The following ARHGAP30 variants were observed in gnomAD, a reference collection of about 807,000 sequenced individuals.
ARHGAP30 encodes rho GTPase-activating protein 30.
Under a neutral mutation model 72.0 loss-of-function variants are expected in ARHGAP30, and 23 were observed. That is an observed-to-expected ratio of 0.32 (90% confidence interval 0.23 to 0.45). The LOEUF (loss-of-function observed/expected upper bound fraction) is 0.45, where lower values mean the gene tolerates loss of function less well. Ranked by LOEUF, ARHGAP30 falls within the 20% of genes least tolerant of loss-of-function variation. ARHGAP30 has a pLI of 1.00. For missense variants in ARHGAP30, 1,319 were observed against 1,383.4 expected (o/e 0.95, Z 0.74); for synonymous variants, 576 against 528.2 (o/e 1.09, Z -1.24).
In ARHGAP30 at chr1:161,066,418, G is replaced by A. The variant is rs543037675; in HGVS notation, c.97+3110C>T. 2.1e-4 allele frequency among the ~76,000 whole-genome samples: 31 copies of A among 151,096 alleles called. No homozygotes were observed. In the South Asian group the frequency reaches 5.0e-3, roughly 25 times the overall value. On this transcript the variant is annotated intron_variant, in intron 1 of 11. Coordinates refer to ENST00000368013, the MANE Select transcript of ARHGAP30 (RefSeq NM_001025598.2). ...TCCCAGCACTTTGGGAGGCCGAGGC[G>A]AGTGGATCACCTGAGCTCAGGAGTT...
chr1:161,053,106 G>A (rs1312553216), intron 6 of ARHGAP30, 152 bp downstream of exon 6: 3 of 1,183,754 alleles, frequency 2.5e-6, no homozygotes, highest in Non-Finnish European at 3.5e-6. Context: ...CTCAAGTCCT[G>A]ACTGCACAAT....
intron 3 of ARHGAP30, among the ~76,000 whole-genome samples, chr1:161,054,960 C>T (rs1220547313): frequency 5.3e-5 from 8 of 152,090 alleles, no homozygotes; most frequent in Admixed American, 1.3e-4. Flanking sequence ...ATCCTCCATC[C>T]GTAGAGCTCT....
intron 2 of ARHGAP30, among the ~76,000 whole-genome samples, chr1:161,058,753 C>A (rs1652089327): frequency 1.3e-5 from 2 of 149,286 alleles, no homozygotes; most frequent in South Asian, 2.1e-4. Context: ...CCCAGCTACT[C>A]AGGAGGCCGA....
intron 10 of ARHGAP30, 42 bp from the exon 11 acceptor site, chr1:161,049,731 C>G (rs1651206875): frequency 1.9e-6 from 3 of 1,587,256 alleles, no homozygotes; most frequent in Non-Finnish European, 2.6e-6. Context: ...AAGGTCAAGC[C>G]CTGACCCTTT....
At chr1:161,061,056 A>C (rs1286938427) in intron 1 of ARHGAP30, among the ~76,000 whole-genome samples, 1 of 151,910 alleles carries the variant, frequency 6.6e-6, no homozygotes, top group South Asian at 2.1e-4. Flanking sequence ...AGGTGAAGGA[A>C]CATTAGTTGT....
Position 161,048,680 on chromosome 1 carries a change from C to T in ARHGAP30, c.2341G>A (p.Glu781Lys), listed in dbSNP as rs1651079802. The T allele has an allele frequency of 2.5e-6, 4 of 1,614,026 alleles. No homozygotes were observed. The highest frequency in any genetic ancestry group is 1.7e-5 in the Admixed American group (1 of 59,994). Residue 781 changes from glutamate (E) to lysine (K), a missense_variant, in exon 12 of 12, where the codon GAG (glutamate) becomes AAG (lysine). Transcript: ENST00000368013. ...QGAQEDQVAE[E>K]KWEVVQKQEA... ...TGTTTCTGTACAACTTCCCATTTCT[C>T]CTCAGCAACTTGATCTTCCTGGGCC...
rs750531846 is a variant in ARHGAP30, at chr1:161,054,484, C to T, written c.429-11G>A. The T allele has an allele frequency of 6.8e-6, 11 of 1,612,948 alleles. No individual in the cohort carries two copies. The highest frequency in any genetic ancestry group is 2.2e-5 in the South Asian group (2 of 91,016). Reference sequence around the variant, plus strand: ...AGGAACTCCAGGGTCCTGCAGAAAGCGGGGGCAGGGATCACACAGGGAATG... The same window carrying T: ...AGGAACTCCAGGGTCCTGCAGAAAGTGGGGGCAGGGATCACACAGGGAATG... On this transcript the variant is annotated splice_polypyrimidine_tract_variant and intron_variant, in intron 4 of 11. Coordinates refer to ENST00000368013, the MANE Select transcript of ARHGAP30 (RefSeq NM_001025598.2).
intron 1 of ARHGAP30, among the ~76,000 whole-genome samples, chr1:161,064,759 GAGAAAGAA>G (rs1168418861): frequency 1.7e-4 from 20 of 118,396 alleles, no homozygotes; most frequent in African/African-American, 5.5e-4. Context: ...AAGAAAGAAA[GAGAAAGAA>G]AGAAAGAAAG....
At chr1:161,052,861 A>G (rs1203024162) in intron 6 of ARHGAP30, 64 bp from the exon 7 acceptor site, 4 of 1,566,418 alleles carry the variant, frequency 2.6e-6, no homozygotes, top group East Asian at 2.3e-5. Context: ...CAGGCACCCA[A>G]TCCTTCATCA....
intron 2 of ARHGAP30, among the ~76,000 whole-genome samples, chr1:161,058,020 G>A (rs896287153): frequency 5.3e-5 from 8 of 151,816 alleles, no homozygotes; most frequent in African/African-American, 1.2e-4. Context: ...GCATGGTGGC[G>A]CTCGCCTGTA....
At chr1:161,065,915 G>A (rs867246471) in intron 1 of ARHGAP30, among the ~76,000 whole-genome samples, 1 of 124,418 alleles carries the variant, frequency 8.0e-6, no homozygotes, top group Non-Finnish European at 1.7e-5. Flanking sequence ...TTATTTATTT[G>A]AGACAGAGTC....
In ARHGAP30 at chr1:161,052,005, AC is replaced by A. The variant is rs1557920792; in HGVS notation, c.1018+280del. 4.1e-3 allele frequency among the ~76,000 whole-genome samples: 171 copies of A among 41,556 alleles called. 6 individuals carry two copies. In the South Asian group the frequency reaches 0.086, roughly 21 times the overall value. 27.3% of individuals were successfully genotyped at this position (41,556 alleles called of 152,430 possible). A position where few individuals can be genotyped will look rare whatever the true frequency, so the allele number is the denominator to read the frequency against. On this transcript the variant is annotated intron_variant, in intron 9 of 11. Transcript: ENST00000368013. Reference sequence around the variant, plus strand: ...CACCACCACCACCACCACCACCACCACCACCACCACCACCACCACCACCACC... The same window carrying A: ...CACCACCACCACCACCACCACCACCACACCACCACCACCACCACCACCACC...
intron 1 of ARHGAP30, among the ~76,000 whole-genome samples, chr1:161,064,785 AAG>A (rs1357785165): frequency 3.2e-4 from 23 of 71,748 alleles, no homozygotes; most frequent in Middle Eastern, 5.1e-3. Context: ...AAGAAAAAGA[AAG>A]AAAGAAAGAA....
intron 3 of ARHGAP30, among the ~76,000 whole-genome samples, chr1:161,054,961 G>A (rs544889797): frequency 2.6e-5 from 4 of 152,164 alleles, no homozygotes; most frequent in South Asian, 4.1e-4. Flanking sequence ...TCCTCCATCC[G>A]TAGAGCTCTG....
chr1:161,058,102 G>A (rs181861516), intron 2 of ARHGAP30, among the ~76,000 whole-genome samples: 17 of 152,002 alleles, frequency 1.1e-4, no homozygotes, highest in Admixed American at 3.3e-4. Context: ...GGTGAGCCAA[G>A]ATCGCGACAC....
Position 161,049,455 on chromosome 1 carries a change from T to G in ARHGAP30, c.1655A>C (p.Tyr552Ser), listed in dbSNP as rs759778089. Residue 552 changes from tyrosine (Y) to serine (S), a missense_variant, in exon 11 of 12, where the codon TAC (tyrosine) becomes TCC (serine). Tyr to Ser is a moderately radical substitution (Grantham distance 144). Around this residue, in one of 2 missense-constraint regions of ARHGAP30, gnomAD observed 1,097 missense variants for 1,045.2 expected, o/e 1.05. Transcript: ENST00000368013. Reference sequence around the variant, plus strand: ...CCCAACTCCCAGGAGCTCCTCCAGGTAGCCCATCCCAGGGTCGTCCTCCCC... The same window carrying G: ...CCCAACTCCCAGGAGCTCCTCCAGGGAGCCCATCCCAGGGTCGTCCTCCCC... ...SPGEDDPGMG[Y>S]LEELLGVGPQ... 1 of 1,612,984 alleles carries G rather than the reference T, an allele frequency of 6.2e-7. No individual in the cohort carries two copies. Among genetic ancestry groups the G allele is most frequent in the Non-Finnish European group, 8.5e-7 (1 of 1,179,402 alleles).
rs1553217361 is a variant in ARHGAP30 at position 161,053,506 on chromosome 1, C to CTCTT, written c.537-122_537-121insAAGA. 29 of 842,992 alleles carry CTCTT rather than the reference C, an allele frequency of 3.4e-5. No homozygotes were observed. In the African/African-American group the frequency reaches 1.6e-3, roughly 46 times the overall value. 52.2% of individuals were successfully genotyped at this position (842,992 alleles called of 1,614,324 possible). ...TCTCTCTCTCTCTCTCTCTCTCTCT[C>CTCTT]GAATGACCTTAACCCCTTCTCTACC... On this transcript the variant is annotated intron_variant, in intron 5 of 11. Coordinates refer to ENST00000368013, the MANE Select transcript of ARHGAP30 (RefSeq NM_001025598.2).
chr1:161,055,117 C>G (rs1651725976), intron 3 of ARHGAP30, among the ~76,000 whole-genome samples: 1 of 152,128 alleles, frequency 6.6e-6, no homozygotes, highest in Non-Finnish European at 1.5e-5. Context: ...TCTCTCAGTG[C>G]TCTTATGCTC....
chr1:161,054,879 C>T (rs1651710341), intron 3 of ARHGAP30, among the ~76,000 whole-genome samples, 174 bp from the exon 4 acceptor site: 1 of 152,170 alleles, frequency 6.6e-6, no homozygotes, highest in African/African-American at 2.4e-5. Flanking sequence ...TTGGGGTCCA[C>T]GAAGATGGCA....
Sources: allele counts gnomAD v4.1 joint callset (sites outside exome capture counted in the v4.1 genomes callset), GRCh38; gene constraint gnomAD v4.1.1; regional missense constraint gnomAD v4.1.1; transcripts MANE v1.5; gene names NCBI Gene and HGNC (gene_info 2026-07-23, HGNC 2026-07-21).